Variants in STPG2 observed in about 807,000 individuals in gnomAD.
STPG2 encodes sperm-tail PG-rich repeat-containing protein 2.
In STPG2, 56 loss-of-function variants were observed where a neutral mutation model predicts 54.2. The observed-to-expected ratio is 1.03, with a 90% CI of 0.83 to 1.29. The LOEUF is 1.29. STPG2 is among the 50% of genes most tolerant of loss of function. STPG2 has a pLI of 0.00. For missense variants in STPG2, 596 were observed against 544.9 expected, an observed-to-expected ratio of 1.09 and a Z score of -0.93; for synonymous variants, 200 against 181.8, an observed-to-expected ratio of 1.10 and a Z score of -0.81.
At chr4:98,134,574 C>T (rs1202954712) in intron 1 of STPG2, 115 bp from the exon 2 acceptor site, 2 of 404,572 alleles carry the variant, frequency 4.9e-6, no homozygotes, top group Non-Finnish European at 8.4e-6. Context: ...ACTTTATTTT[C>T]AGAACTGTCT....
chr4:97,972,979 A>C (rs930599860), intron 6 of STPG2, among the ~76,000 whole-genome samples: 2 of 152,198 alleles, frequency 1.3e-5, no homozygotes, highest in Non-Finnish European at 2.9e-5. Flanking sequence ...GCAGAATGAA[A>C]ACAGACTAAT....
chr4:97,809,268 G>C (rs896591493), intron 9 of STPG2, among the ~76,000 whole-genome samples: 2 of 152,126 alleles, frequency 1.3e-5, no homozygotes, highest in Non-Finnish European at 2.9e-5. Context: ...CTATAGGAAT[G>C]GATAATGGTG....
intron 4 of STPG2, among the ~76,000 whole-genome samples, chr4:97,486,829 G>GTATATATATA (rs1290804763): frequency 1.1e-5 from 1 of 90,204 alleles, no homozygotes; most frequent in African/African-American, 3.4e-5. Context: ...GTGTGTGTGT[G>GTATATATATA]TATATATATA....
At chr4:97,864,138 G>A (rs1729670361) in intron 8 of STPG2, among the ~76,000 whole-genome samples, 1 of 152,106 alleles carries the variant, frequency 6.6e-6, no homozygotes, top group Non-Finnish European at 1.5e-5. Context: ...TATTCAATTA[G>A]GAAAAGAGGA....
chr4:98,131,113 A>G (rs1040647455), intron 2 of STPG2, among the ~76,000 whole-genome samples: 2 of 151,970 alleles, frequency 1.3e-5, no homozygotes, highest in African/African-American at 4.8e-5. Context: ...ATAAAGTGGG[A>G]AAAAATATTT....
intron 9 of STPG2, among the ~76,000 whole-genome samples, chr4:97,738,804 A>G (rs1420115974): frequency 4.6e-5 from 7 of 152,148 alleles, no homozygotes; most frequent in South Asian, 2.1e-4. Flanking sequence ...ACAGATCAAC[A>G]AGACAGAAAG....
chr4:98,012,191 A>G (rs938031885), intron 5 of STPG2, among the ~76,000 whole-genome samples: 6 of 152,098 alleles, frequency 3.9e-5, no homozygotes, highest in African/African-American at 1.4e-4. Context: ...TCCCAGCACC[A>G]CTTATTAAAT....
chr4:97,545,392 T>C (rs1731812939), intron 4 of STPG2, among the ~76,000 whole-genome samples: 1 of 152,132 alleles, frequency 6.6e-6, no homozygotes, highest in Non-Finnish European at 1.5e-5. Flanking sequence ...TCCCAGGAGC[T>C]TTTCACTTTA....
intron 5 of STPG2, among the ~76,000 whole-genome samples, chr4:98,018,150 T>C (rs2149288282): frequency 6.6e-6 from 1 of 152,276 alleles, no homozygotes. Context: ...GTATATTTCC[T>C]AATGCTATCC....
rs576948533 is a variant in STPG2, at chr4:97,646,946, C to T, written c.1320+65753G>A. ...CCATCTGGATAGTCATTAGGCGTCTCGATAAGCAGAGAATTTCTCTTCAGA... is the reference window on the plus strand; with the variant it reads ...CCATCTGGATAGTCATTAGGCGTCTTGATAAGCAGAGAATTTCTCTTCAGA... On this transcript the variant is annotated intron_variant, in intron 10 of 10. Coordinates refer to ENST00000295268, the MANE Select transcript of STPG2 (RefSeq NM_174952.3). Among the ~76,000 whole-genome samples, 8 of 152,138 alleles carry T rather than the reference C, an allele frequency of 5.3e-5. No homozygotes were observed. The South Asian group carries it at 1.5e-3, about 28-fold the overall frequency.
intron 9 of STPG2, among the ~76,000 whole-genome samples, chr4:97,794,653 C>G (rs1216653151): frequency 6.6e-6 from 1 of 152,050 alleles, no homozygotes; most frequent in Non-Finnish European, 1.5e-5. Flanking sequence ...CATTGTCTAG[C>G]TGCACTTTAT....
chr4:98,091,819 G>A (rs908729923), intron 5 of STPG2, among the ~76,000 whole-genome samples: 5 of 151,916 alleles, frequency 3.3e-5, no homozygotes, highest in African/African-American at 1.2e-4. Context: ...CCTTTTTGTA[G>A]AGTATTATTA....
intron 4 of STPG2, among the ~76,000 whole-genome samples, chr4:97,500,231 A>G (rs1036206956): frequency 2.6e-5 from 4 of 152,076 alleles, no homozygotes; most frequent in African/African-American, 9.7e-5. Context: ...GACTGATTAG[A>G]TGAGGGTGTA....
intron 3 of STPG2, among the ~76,000 whole-genome samples, chr4:98,113,736 G>T (rs1400050543): frequency 6.6e-6 from 1 of 151,848 alleles, no homozygotes; most frequent in East Asian, 1.9e-4. Context: ...CAATTCCAAA[G>T]CCCAGCCCCT....
At chr4:97,739,536 C>T (rs182016348) in intron 9 of STPG2, among the ~76,000 whole-genome samples, 293 of 152,284 alleles carry the variant, frequency 1.9e-3, no homozygotes, top group African/African-American at 6.9e-3. Context: ...GGGGATATCA[C>T]CACTGGTCCC....
intron 8 of STPG2, among the ~76,000 whole-genome samples, chr4:97,845,334 T>G (rs1355707230): frequency 1.3e-5 from 2 of 152,090 alleles, no homozygotes; most frequent in Non-Finnish European, 2.9e-5. Flanking sequence ...ATTTCTGAAA[T>G]TTTTCATTTA....
intron 4 of STPG2, among the ~76,000 whole-genome samples, chr4:97,501,804 T>C (rs1371586610): frequency 6.6e-6 from 1 of 151,966 alleles, no homozygotes; most frequent in East Asian, 1.9e-4. Flanking sequence ...AGAGATCATT[T>C]TGAAATACAA....
chr4:98,142,423 A>C (rs1294324157), intron 1 of STPG2, among the ~76,000 whole-genome samples: 1 of 152,224 alleles, frequency 6.6e-6, no homozygotes, highest in African/African-American at 2.4e-5. Flanking sequence ...CACTAACTGC[A>C]AACAAACGAG....
At chr4:97,739,655 G>C (rs557100420) in intron 9 of STPG2, among the ~76,000 whole-genome samples, 4 of 152,116 alleles carry the variant, frequency 2.6e-5, no homozygotes, top group African/African-American at 9.6e-5. Flanking sequence ...CCTCCCTAGA[G>C]TAAACCAGGA....
Sources: allele counts gnomAD v4.1 joint callset (sites outside exome capture counted in the v4.1 genomes callset), GRCh38; gene constraint gnomAD v4.1.1; transcripts MANE v1.5; gene names NCBI Gene and HGNC (gene_info 2026-07-23, HGNC 2026-07-21).